NIM1K: variants seen among roughly 807,000 people sequenced by gnomAD.
NIM1K encodes NIM1 serine/threonine protein kinase.
In NIM1K, 35 loss-of-function variants were observed where a neutral mutation model predicts 37.1. The observed-to-expected ratio is 0.94, with a 90% CI of 0.72 to 1.25. NIM1K has a LOEUF of 1.25. Ranked by LOEUF, NIM1K falls within the 50% of genes most tolerant of loss-of-function variation. The pLI, the probability that NIM1K is intolerant of heterozygous loss-of-function variation, is 0.00. For missense variants in NIM1K, 564 were observed against 548.0 expected, an observed-to-expected ratio of 1.03 and a Z score of -0.29; for synonymous variants, 234 against 206.6, an observed-to-expected ratio of 1.13 and a Z score of -1.14.
intron 1 of NIM1K, among the ~76,000 whole-genome samples, chr5:43,209,120 T>C (rs74871888): frequency 0.015 from 2,260 of 152,156 alleles, 18 homozygotes; most frequent in Middle Eastern, 0.024. Flanking sequence ...AGAGGGAAAA[T>C]GGAGCCTCTT....
At chr5:43,198,131 A>ATTTCTTTTCTTTC (rs1751944458) in intron 1 of NIM1K, among the ~76,000 whole-genome samples, 3 of 105,940 alleles carry the variant, frequency 2.8e-5, no homozygotes. Context: ...GGCCAATATG[A>ATTTCTTTTCTTTC]TTTCTTTCTT....
intron 2 of NIM1K, among the ~76,000 whole-genome samples, chr5:43,251,417 G>T (rs1752865100): frequency 1.3e-5 from 2 of 152,134 alleles, no homozygotes; most frequent in African/African-American, 4.8e-5. Flanking sequence ...AACCTCATGA[G>T]TCTTAAAGGT....
intron 1 of NIM1K, among the ~76,000 whole-genome samples, chr5:43,205,770 T>C (rs1019550591): frequency 6.6e-6 from 1 of 152,130 alleles, no homozygotes; most frequent in African/African-American, 2.4e-5. Context: ...TGGAGTGTAG[T>C]CTTGCGATCT....
chr5:43,193,487 A>AAAGCGAATG (rs1751864362), intron 1 of NIM1K: 3 of 150,062 alleles, frequency 2.0e-5, no homozygotes, highest in Admixed American at 6.7e-5. Context: ...TCCCGTTTCA[A>AAAGCGAATG]AATAAGAGCG....
chr5:43,247,094 C>T (rs1477650349), intron 2 of NIM1K, among the ~76,000 whole-genome samples: 1 of 152,044 alleles, frequency 6.6e-6, no homozygotes, highest in East Asian at 1.9e-4. Flanking sequence ...CCTCCAATCC[C>T]TGTTGTTGGC....
chr5:43,230,535 T>G (rs993260010), intron 1 of NIM1K, among the ~76,000 whole-genome samples: 1 of 152,122 alleles, frequency 6.6e-6, no homozygotes, highest in African/African-American at 2.4e-5. Context: ...CAGCTAAAAC[T>G]TCTCTGTTAT....
intron 1 of NIM1K, among the ~76,000 whole-genome samples, chr5:43,241,517 T>C (rs959007194): frequency 1.4e-4 from 21 of 151,744 alleles, no homozygotes; most frequent in Non-Finnish European, 2.9e-4. Context: ...TATTTTGTAT[T>C]TTCAGTAGAG....
chr5:43,227,992 A>G (rs1752484059), intron 1 of NIM1K, among the ~76,000 whole-genome samples: 2 of 152,164 alleles, frequency 1.3e-5, no homozygotes, highest in Admixed American at 1.3e-4. Context: ...GGGAAAGCTG[A>G]GACTGTAACC....
chr5:43,257,536 G>C (rs570767478), intron 2 of NIM1K, among the ~76,000 whole-genome samples: 3 of 151,666 alleles, frequency 2.0e-5, no homozygotes, highest in African/African-American at 7.2e-5. Flanking sequence ...CCTGGCTAAA[G>C]AGACGGGGGT....
intron 2 of NIM1K, among the ~76,000 whole-genome samples, chr5:43,275,672 G>T (rs926442489): frequency 1.3e-5 from 2 of 152,130 alleles, no homozygotes; most frequent in East Asian, 3.9e-4. Flanking sequence ...AAGAGAGGGA[G>T]ATAAACAAGG....
intron 1 of NIM1K, chr5:43,232,916 G>C: frequency 8.7e-7 from 1 of 1,155,836 alleles, no homozygotes; most frequent in South Asian, 1.2e-5. Flanking sequence ...GGGTGGAAGA[G>C]CTGGTTGTAG....
intron 1 of NIM1K, among the ~76,000 whole-genome samples, chr5:43,197,292 C>A (rs1751932378): frequency 6.6e-6 from 1 of 151,700 alleles, no homozygotes; most frequent in Non-Finnish European, 1.5e-5. Context: ...TCATGTCCAG[C>A]TAAGTTTTTT....
intron 1 of NIM1K, among the ~76,000 whole-genome samples, chr5:43,196,696 T>G (rs1004892663): frequency 6.6e-6 from 1 of 152,020 alleles, no homozygotes; most frequent in African/African-American, 2.4e-5. Context: ...AGTCCCAGTC[T>G]CCAGAGGCAA....
intron 2 of NIM1K, 37 bp downstream of exon 2, chr5:43,246,104 A>G: frequency 6.4e-7 from 1 of 1,561,788 alleles, no homozygotes; most frequent in Non-Finnish European, 8.7e-7. Context: ...CCCTGGCAGT[A>G]TTGGGACCTA....
At chr5:43,249,359 T>C (rs1173005345) in intron 2 of NIM1K, among the ~76,000 whole-genome samples, 1 of 152,110 alleles carries the variant, frequency 6.6e-6, no homozygotes, top group Non-Finnish European at 1.5e-5. Context: ...TGAGCCACCG[T>C]GCCCGGCCCT....
chr5:43,250,656 G>C (rs1752855237), intron 2 of NIM1K, among the ~76,000 whole-genome samples: 1 of 152,192 alleles, frequency 6.6e-6, no homozygotes, highest in Non-Finnish European at 1.5e-5. Context: ...AACACATAGA[G>C]CGATGAAAGG....
chr5:43,264,388 T>G (rs1483233348), intron 2 of NIM1K, among the ~76,000 whole-genome samples: 2 of 152,200 alleles, frequency 1.3e-5, no homozygotes, highest in Admixed American at 6.5e-5. Context: ...GCCTTCTTTG[T>G]CTCTTTTGAT....
At chr5:43,267,892 T>C (rs1251187329) in intron 2 of NIM1K, among the ~76,000 whole-genome samples, 5 of 152,196 alleles carry the variant, frequency 3.3e-5, no homozygotes. Context: ...TGGAATATAT[T>C]CCATGTGCTG....
At chr5:43,230,875 G>C (rs1752528716) in intron 1 of NIM1K, among the ~76,000 whole-genome samples, 1 of 152,218 alleles carries the variant, frequency 6.6e-6, no homozygotes, top group African/African-American at 2.4e-5. Context: ...GCATGTACAA[G>C]TACGCACTAC....
Sources: allele counts gnomAD v4.1 joint callset (sites outside exome capture counted in the v4.1 genomes callset), GRCh38; gene constraint gnomAD v4.1.1; transcripts MANE v1.5; gene names NCBI Gene and HGNC (gene_info 2026-07-23, HGNC 2026-07-21).